The following OSBP2 variants were observed in gnomAD, a reference collection of about 807,000 sequenced individuals.
The protein encoded by OSBP2 is oxysterol-binding protein 2.
Under a neutral mutation model 96.0 loss-of-function variants are expected in OSBP2, and 66 were observed. The observed-to-expected ratio is 0.69, with a 90% CI of 0.56 to 0.84. The LOEUF (loss-of-function observed/expected upper bound fraction) is 0.84, where lower values mean the gene tolerates loss of function less well. OSBP2 is among the 40% of genes least tolerant of loss of function. The pLI is 0.00. For missense variants in OSBP2, 1,038 were observed against 1,222.7 expected, an observed-to-expected ratio of 0.85 and a Z score of 2.25; for synonymous variants, 525 against 520.9, an observed-to-expected ratio of 1.01 and a Z score of -0.11.
intron 11 of OSBP2, 29 bp from the exon 12 acceptor site, chr22:30,893,788 A>G: frequency 6.2e-7 from 1 of 1,604,454 alleles, no homozygotes; most frequent in Non-Finnish European, 8.5e-7. Flanking sequence ...CAGAGTCTGC[A>G]CCTACGCTGG....
At chr22:30,902,441 T>C (rs749639831) in intron 12 of OSBP2, 4 of 1,586,196 alleles carry the variant, frequency 2.5e-6, no homozygotes, top group East Asian at 2.2e-5. Context: ...CATGTGGACA[T>C]TGCAGAAGGC....
chr22:30,897,455 C>T (rs541674537), intron 12 of OSBP2, among the ~76,000 whole-genome samples: 7 of 152,090 alleles, frequency 4.6e-5, no homozygotes, highest in South Asian at 4.2e-4. Flanking sequence ...TGTAGTAAAC[C>T]CTAATGGAAG....
At chr22:30,859,801 G>C (rs1033813319) in intron 2 of OSBP2, among the ~76,000 whole-genome samples, 1 of 152,222 alleles carries the variant, frequency 6.6e-6, no homozygotes, top group East Asian at 1.9e-4. Flanking sequence ...ACTTCAATGT[G>C]GAACAAAGGA....
intron 12 of OSBP2, among the ~76,000 whole-genome samples, chr22:30,904,204 T>G (rs2040279523): frequency 6.6e-6 from 1 of 152,210 alleles, no homozygotes; most frequent in Admixed American, 6.5e-5. Context: ...GTAGTGTGCT[T>G]AGTAATTGGT....
At chr22:30,875,578 G>T (rs1316386388) in intron 3 of OSBP2, among the ~76,000 whole-genome samples, 2 of 152,070 alleles carry the variant, frequency 1.3e-5, no homozygotes, top group Non-Finnish European at 2.9e-5. Context: ...CTCCATGTTG[G>T]TCAGGCTGGT....
At chr22:30,824,158 C>T (rs576348839) in intron 2 of OSBP2, among the ~76,000 whole-genome samples, 4 of 152,232 alleles carry the variant, frequency 2.6e-5, no homozygotes, top group South Asian at 2.1e-4. Flanking sequence ...AGAGCAGTGA[C>T]GGGGTGACCT....
At chr22:30,869,177 C>G (rs989074602) in intron 2 of OSBP2, among the ~76,000 whole-genome samples, 1 of 152,170 alleles carries the variant, frequency 6.6e-6, no homozygotes, top group Non-Finnish European at 1.5e-5. Flanking sequence ...AGGAAAGGGG[C>G]CCTGGGCAGC....
chr22:30,739,524 G>T (rs1219696216), intron 1 of OSBP2, among the ~76,000 whole-genome samples: 3 of 152,106 alleles, frequency 2.0e-5, no homozygotes, highest in Non-Finnish European at 4.4e-5. Flanking sequence ...ACCCAGGCTG[G>T]AGTGTAGTGG....
intron 2 of OSBP2, among the ~76,000 whole-genome samples, chr22:30,771,191 C>G (rs1352114173): frequency 6.6e-6 from 1 of 152,224 alleles, no homozygotes; most frequent in East Asian, 1.9e-4. Flanking sequence ...GTCGTTTGGG[C>G]TCCATGTCCA....
At chr22:30,750,181 A>G (rs929377006) in intron 2 of OSBP2, among the ~76,000 whole-genome samples, 4 of 152,134 alleles carry the variant, frequency 2.6e-5, no homozygotes, top group African/African-American at 7.2e-5. Flanking sequence ...GGCAGATCTG[A>G]TGCTGGATAA....
intron 1 of OSBP2, among the ~76,000 whole-genome samples, chr22:30,698,760 T>C (rs879473376): frequency 1.3e-5 from 2 of 152,024 alleles, no homozygotes; most frequent in African/African-American, 2.4e-5. Context: ...AAGTGAAGCC[T>C]GGTGTTTGGA....
intron 2 of OSBP2, among the ~76,000 whole-genome samples, chr22:30,825,197 A>G (rs1263624119): frequency 6.6e-6 from 1 of 152,108 alleles, no homozygotes. Flanking sequence ...CATTAAACCT[A>G]CTTACCTTGG....
intron 2 of OSBP2, among the ~76,000 whole-genome samples, chr22:30,856,058 G>A (rs1569151882): frequency 6.6e-6 from 1 of 152,202 alleles, no homozygotes; most frequent in Non-Finnish European, 1.5e-5. Flanking sequence ...GCCTCCTGTG[G>A]GCTCAGGGAT....
chr22:30,832,533 C>T (rs941616964), intron 2 of OSBP2, among the ~76,000 whole-genome samples: 1 of 152,128 alleles, frequency 6.6e-6, no homozygotes, highest in Non-Finnish European at 1.5e-5. Flanking sequence ...TCAAGTGCTC[C>T]TCCTGCCTTG....
At chr22:30,790,307 G>C (rs766188459) in intron 2 of OSBP2, among the ~76,000 whole-genome samples, 4 of 152,088 alleles carry the variant, frequency 2.6e-5, no homozygotes, top group Non-Finnish European at 4.4e-5. Context: ...TTAAGGAGGG[G>C]GGGGCGGGGA....
At chr22:30,753,340 G>T (rs73884426) in intron 2 of OSBP2, among the ~76,000 whole-genome samples, 1 of 152,230 alleles carries the variant, frequency 6.6e-6, no homozygotes, top group African/African-American at 2.4e-5. Context: ...CAGGGAAGAG[G>T]ACTCCAGGTG....
intron 2 of OSBP2, among the ~76,000 whole-genome samples, chr22:30,806,313 T>C (rs969362451): frequency 5.3e-5 from 8 of 152,110 alleles, no homozygotes; most frequent in Admixed American, 2.0e-4. Flanking sequence ...TCTCCTCACA[T>C]TGGGGTGAGA....
At chr22:30,846,152 AC>A (rs1458828544) in intron 2 of OSBP2, among the ~76,000 whole-genome samples, 2 of 151,636 alleles carry the variant, frequency 1.3e-5, no homozygotes, top group South Asian at 4.2e-4. Flanking sequence ...ATTTTATCTT[AC>A]ATTATTTTTT....
chr22:30,863,109 G>A (rs1162743686), intron 2 of OSBP2, among the ~76,000 whole-genome samples: 1 of 152,148 alleles, frequency 6.6e-6, no homozygotes, highest in Non-Finnish European at 1.5e-5. Context: ...CCAACAGCTG[G>A]AAGTGCAGAG....
Sources: allele counts gnomAD v4.1 joint callset (sites outside exome capture counted in the v4.1 genomes callset), GRCh38; gene constraint gnomAD v4.1.1; transcripts MANE v1.5; gene names NCBI Gene and HGNC (gene_info 2026-07-23, HGNC 2026-07-21).